FBXL13: variants seen among roughly 807,000 people sequenced by gnomAD.
The protein encoded by FBXL13 is F-box and leucine-rich repeat protein 13.
A neutral mutation model predicts 83.6 loss-of-function variants in FBXL13; 67 were observed. That is an observed-to-expected ratio of 0.80 (90% CI 0.66 to 0.98). FBXL13 has a LOEUF of 0.98. Ranked by LOEUF, FBXL13 falls within the 50% of genes least tolerant of loss-of-function variation. The probability of loss-of-function intolerance (pLI) is 0.00; values close to 1 mark genes in which losing one functional copy is unlikely to be tolerated. For synonymous variants in FBXL13, 272 were observed against 299.5 expected (o/e 0.91, Z 0.95); for missense variants, 822 against 866.5 (o/e 0.95, Z 0.64).
At chr7:103,054,105 T>C (rs924775715) in intron 2 of FBXL13, among the ~76,000 whole-genome samples, 40 of 152,062 alleles carry the variant, frequency 2.6e-4, no homozygotes, top group Admixed American at 2.0e-4. Context: ...TCAAGAGATA[T>C]CATGCACGGG....
chr7:102,844,770 A>C (rs1014556755), intron 17 of FBXL13, among the ~76,000 whole-genome samples: 1 of 152,178 alleles, frequency 6.6e-6, no homozygotes, highest in Non-Finnish European at 1.5e-5. Context: ...ATCCCAGTAG[A>C]TTTCAGATGC....
intron 9 of FBXL13, among the ~76,000 whole-genome samples, chr7:102,930,581 G>A: frequency 6.6e-6 from 1 of 152,286 alleles, no homozygotes; most frequent in Non-Finnish European, 1.5e-5. Flanking sequence ...ACAATGCATT[G>A]TTCAGTCCTT....
At chr7:102,967,946 C>T in intron 7 of FBXL13, 76 bp downstream of exon 8, 1 of 1,133,048 alleles carries the variant, frequency 8.8e-7, no homozygotes. Flanking sequence ...GGTGTCCCCA[C>T]AACAGCTGGC....
At chr7:103,008,194 C>CAA (rs1241262131) in intron 6 of FBXL13, among the ~76,000 whole-genome samples, 2 of 152,128 alleles carry the variant, frequency 1.3e-5, no homozygotes, top group Middle Eastern at 6.3e-3. Flanking sequence ...GAGAGACATT[C>CAA]TACAATAAAA....
chr7:102,869,987 C>T (rs1388346358), intron 16 of FBXL13, among the ~76,000 whole-genome samples: 3 of 152,170 alleles, frequency 2.0e-5, no homozygotes, highest in Non-Finnish European at 4.4e-5. Context: ...TATTAAAGTT[C>T]TCACATTGGC....
At chr7:102,864,773 T>G (rs1416931185) in intron 16 of FBXL13, among the ~76,000 whole-genome samples, 1 of 152,258 alleles carries the variant, frequency 6.6e-6, no homozygotes, top group Non-Finnish European at 1.5e-5. Context: ...ATCACTAAGA[T>G]GCATATAGTG....
At chr7:102,966,845 T>C (rs1209439423) in intron 7 of FBXL13, among the ~76,000 whole-genome samples, 1 of 152,212 alleles carries the variant, frequency 6.6e-6, no homozygotes, top group African/African-American at 2.4e-5. Flanking sequence ...AATGTAAACT[T>C]TTAGCTGACA....
At chr7:103,027,291 T>C (rs541936479) in intron 5 of FBXL13, among the ~76,000 whole-genome samples, 158 bp downstream of exon 6, 1 of 151,964 alleles carries the variant, frequency 6.6e-6, no homozygotes, top group Admixed American at 6.6e-5. Context: ...AGCAAAACTC[T>C]GTCCCAAAAA....
chr7:102,827,769 A>G (rs1584470966), intron 18 of FBXL13, among the ~76,000 whole-genome samples: 1 of 152,168 alleles, frequency 6.6e-6, no homozygotes, highest in East Asian at 1.9e-4. Context: ...GAGTGAGAAC[A>G]TGCAGTGTTT....
At chr7:102,958,312 C>T (rs549916684) in intron 8 of FBXL13, among the ~76,000 whole-genome samples, 1 of 151,498 alleles carries the variant, frequency 6.6e-6, no homozygotes, top group East Asian at 1.9e-4. Flanking sequence ...CGCATGTTCT[C>T]ATTCATAGGT....
intron 6 of FBXL13, among the ~76,000 whole-genome samples, chr7:102,978,107 A>C (rs541926863): frequency 4.7e-4 from 71 of 152,322 alleles, no homozygotes; most frequent in African/African-American, 1.6e-3. Flanking sequence ...AAAGTATAAT[A>C]ATAAAAGAAA....
intron 11 of FBXL13, among the ~76,000 whole-genome samples, chr7:102,885,352 A>G (rs1402281699): frequency 3.9e-5 from 6 of 152,032 alleles, no homozygotes; most frequent in African/African-American, 1.4e-4. Context: ...TTTCATTTGC[A>G]TCCCCTTAAT....
At chr7:103,010,498 A>T (rs1434974274) in intron 6 of FBXL13, among the ~76,000 whole-genome samples, 1 of 152,118 alleles carries the variant, frequency 6.6e-6, no homozygotes, top group Non-Finnish European at 1.5e-5. Flanking sequence ...TCTCATAGCC[A>T]GATGGGCCAC....
At chr7:102,931,832 A>G (rs769034885) in intron 9 of FBXL13, 49 bp downstream of exon 10, 1 of 1,560,206 alleles carries the variant, frequency 6.4e-7, no homozygotes, top group East Asian at 2.3e-5. Context: ...ACCCCAATGT[A>G]GCAAGTCAAT....
intron 8 of FBXL13, chr7:102,944,980 T>G (rs1822208669): frequency 6.1e-6 from 1 of 163,134 alleles, no homozygotes; most frequent in African/African-American, 2.4e-5. Context: ...TGTGCATACT[T>G]AAAGATGATC....
intron 1 of FBXL13, among the ~76,000 whole-genome samples, chr7:103,059,131 A>G (rs1469055685): frequency 2.0e-5 from 3 of 152,138 alleles, no homozygotes; most frequent in South Asian, 4.1e-4. Flanking sequence ...TTAGCTGAGC[A>G]TGGTGGCGTG....
intron 16 of FBXL13, among the ~76,000 whole-genome samples, chr7:102,866,299 G>A (rs1807641856): frequency 6.6e-6 from 1 of 152,124 alleles, no homozygotes. Context: ...AGTGTTTTTA[G>A]TAGGCACTTT....
intron 11 of FBXL13, among the ~76,000 whole-genome samples, chr7:102,888,881 G>A (rs1232679363): frequency 1.3e-5 from 2 of 152,046 alleles, no homozygotes; most frequent in African/African-American, 4.8e-5. Context: ...TTTGAGTCTG[G>A]CTCTACCTCT....
chr7:102,919,694 G>C (rs1459963162), intron 10 of FBXL13, among the ~76,000 whole-genome samples: 2 of 152,134 alleles, frequency 1.3e-5, no homozygotes, highest in East Asian at 3.8e-4. Context: ...GGGTTTTAAA[G>C]ATAAAATACA....
Sources: allele counts gnomAD v4.1 joint callset (sites outside exome capture counted in the v4.1 genomes callset), GRCh38; gene constraint gnomAD v4.1.1; transcripts MANE v1.5; gene names NCBI Gene and HGNC (gene_info 2026-07-23, HGNC 2026-07-21).